MAGI2: variants seen among roughly 807,000 people sequenced by gnomAD.
MAGI2 encodes membrane associated guanylate kinase, WW and PDZ domain containing 2, also known as membrane-associated guanylate kinase, WW and PDZ domain-containing protein 2.
MAGI2 carries 35 observed loss-of-function variants against 133.3 expected under a neutral mutation model. The observed-to-expected ratio is 0.26, with a 90% confidence interval of 0.20 to 0.35. MAGI2 has a LOEUF of 0.35. Among genes scored for constraint, MAGI2 ranks in the 10% least tolerant of loss-of-function variants. The pLI, the probability that MAGI2 is intolerant of heterozygous loss-of-function variation, is 1.00. For synonymous variants in MAGI2, 729 were observed against 710.6 expected, an observed-to-expected ratio of 1.03 and a Z score of -0.41; for missense variants, 1,636 against 1,863.4, an observed-to-expected ratio of 0.88 and a Z score of 2.25.
chr7:79,166,775 A>T (rs1824961465), intron 1 of MAGI2, among the ~76,000 whole-genome samples: 1 of 151,572 alleles, frequency 6.6e-6, no homozygotes, highest in African/African-American at 2.4e-5. Context: ...AGTAAGACTA[A>T]TTTTTTTTTC....
At chr7:79,333,573 A>G (rs1840234741) in intron 1 of MAGI2, among the ~76,000 whole-genome samples, 1 of 152,194 alleles carries the variant, frequency 6.6e-6, no homozygotes, top group African/African-American at 2.4e-5. Flanking sequence ...AGCAGTTGCT[A>G]AATAAGGGTT....
At chr7:78,926,744 T>C (rs1799722234) in intron 2 of MAGI2, among the ~76,000 whole-genome samples, 1 of 152,078 alleles carries the variant, frequency 6.6e-6, no homozygotes, top group African/African-American at 2.4e-5. Context: ...TCTGCAGTAC[T>C]TACATTTTAA....
rs545758461 is a variant in MAGI2, at chr7:79,220,824, G to A, written c.302-213618C>T. Among the ~76,000 whole-genome samples, 98 of 152,100 alleles carry A rather than the reference G, an allele frequency of 6.4e-4. 1 individual carries two copies. The highest frequency in any genetic ancestry group is 2.1e-3 in the African/African-American group (88 of 41,420). ...CAGTGAGGAAATCATAGGCATTCAC[G>A]CCCACCGTGGTACAAATTATTTCAT... On this transcript the variant is annotated intron_variant, in intron 1 of 21. Coordinates refer to ENST00000354212, the MANE Select transcript of MAGI2 (RefSeq NM_012301.4).
intron 7 of MAGI2, among the ~76,000 whole-genome samples, chr7:78,351,359 T>C (rs1299328508): frequency 6.6e-6 from 1 of 151,906 alleles, no homozygotes; most frequent in Non-Finnish European, 1.5e-5. Context: ...GTATAAAAAT[T>C]AGCCAGGCAT....
intron 6 of MAGI2, among the ~76,000 whole-genome samples, chr7:78,441,348 G>C (rs1787612098): frequency 6.6e-6 from 1 of 152,154 alleles, no homozygotes; most frequent in East Asian, 1.9e-4. Context: ...AAGATTTATA[G>C]AAATTTGTGG....
chr7:78,855,340 T>G (rs1219023364), intron 2 of MAGI2, among the ~76,000 whole-genome samples: 4 of 152,136 alleles, frequency 2.6e-5, no homozygotes, highest in African/African-American at 9.7e-5. Context: ...GTGCCATGTT[T>G]GTGTGCTGCA....
intron 7 of MAGI2, among the ~76,000 whole-genome samples, chr7:78,365,676 T>C (rs1793302645): frequency 6.6e-6 from 1 of 152,228 alleles, no homozygotes; most frequent in South Asian, 2.1e-4. Context: ...TTATGACCTT[T>C]CTGGTTCTTG....
At chr7:78,547,307 T>C (rs55920785) in intron 3 of MAGI2, among the ~76,000 whole-genome samples, 71,233 of 152,140 alleles carry the variant, frequency 0.47, 17,332 homozygotes, top group South Asian at 0.65. Flanking sequence ...ACAGCATTCA[T>C]AGTGGTGGTG....
At chr7:78,416,472 C>T (rs1798313166) in intron 6 of MAGI2, among the ~76,000 whole-genome samples, 1 of 152,024 alleles carries the variant, frequency 6.6e-6, no homozygotes, top group African/African-American at 2.4e-5. Flanking sequence ...GATTGTATTC[C>T]AGGGCCTATT....
chr7:78,054,589 CTT>C (rs3972364), intron 21 of MAGI2, among the ~76,000 whole-genome samples: 7 of 141,756 alleles, frequency 4.9e-5, no homozygotes, highest in Non-Finnish European at 6.1e-5. Context: ...CATAGGCATA[CTT>C]TTTTTTTTTT....
intron 2 of MAGI2, among the ~76,000 whole-genome samples, chr7:78,949,207 T>A (rs552744445): frequency 6.6e-6 from 1 of 152,308 alleles, no homozygotes; most frequent in African/African-American, 2.4e-5. Flanking sequence ...TTTTAAACAA[T>A]TTGCTTTACA....
chr7:78,371,757 T>C (rs994208226), intron 6 of MAGI2, among the ~76,000 whole-genome samples: 1 of 152,094 alleles, frequency 6.6e-6, no homozygotes, highest in Non-Finnish European at 1.5e-5. Context: ...TCATAAGATA[T>C]CAACATGTTT....
In MAGI2 at chr7:78,768,504, C is replaced by A. The variant is rs562439807; in HGVS notation, c.419-141265G>T. ...CTTTATCAAAATTATTCTAAACAGA[C>A]ACCATGAAAATCTGTGCTCTAATTC... is the stretch of plus-strand genomic sequence containing the variant. On this transcript the variant is annotated intron_variant, in intron 2 of 21. Coordinates refer to ENST00000354212, the MANE Select transcript of MAGI2 (RefSeq NM_012301.4). Among the ~76,000 whole-genome samples, 4 of 152,328 alleles carry A rather than the reference C, an allele frequency of 2.6e-5. No homozygotes were observed. The South Asian group carries it at 6.2e-4, about 24-fold the overall frequency.
chr7:78,261,389 C>T (rs1793503875), intron 9 of MAGI2, among the ~76,000 whole-genome samples: 1 of 152,154 alleles, frequency 6.6e-6, no homozygotes, highest in South Asian at 2.1e-4. Flanking sequence ...AAGGTATCTT[C>T]CATCACTCTT....
chr7:78,450,110 C>G (rs1354343257), intron 6 of MAGI2, among the ~76,000 whole-genome samples: 1 of 151,848 alleles, frequency 6.6e-6, no homozygotes, highest in Non-Finnish European at 1.5e-5. Flanking sequence ...ATTCCCATGA[C>G]TTTCTTCATA....
intron 1 of MAGI2, among the ~76,000 whole-genome samples, chr7:79,239,506 T>A (rs1832216479): frequency 6.6e-6 from 1 of 152,222 alleles, no homozygotes; most frequent in Non-Finnish European, 1.5e-5. Context: ...ACCCTGAGTT[T>A]GTTTGGTTAA....
intron 2 of MAGI2, among the ~76,000 whole-genome samples, chr7:78,796,870 G>A (rs1252635022): frequency 6.6e-6 from 1 of 152,098 alleles, no homozygotes; most frequent in Non-Finnish European, 1.5e-5. Flanking sequence ...AGTAAAATTA[G>A]CCAGGCACAG....
At chr7:78,924,364 G>A (rs571335903) in intron 2 of MAGI2, among the ~76,000 whole-genome samples, 5 of 152,096 alleles carry the variant, frequency 3.3e-5, no homozygotes, top group South Asian at 2.1e-4. Context: ...TTTGAGATAC[G>A]TCCCATCAAT....
At position 78,635,294 on chromosome 7, in the gene MAGI2, T is replaced by G. The variant is rs1466717541; in HGVS notation, c.419-8055A>C. On this transcript the variant is annotated intron_variant, in intron 2 of 21. Coordinates refer to ENST00000354212, the MANE Select transcript of MAGI2 (RefSeq NM_012301.4). The stretch of plus-strand genomic sequence containing the variant: ...TGAAGGAACATTGCTCTTTTTTGTC[T>G]TAGGAAGAAAAGGGCATTTGTGGTA... Among the ~76,000 whole-genome samples the G allele has an allele frequency of 3.9e-5, 6 of 152,354 alleles. No individual in the cohort carries two copies. The South Asian group carries it at 1.0e-3, about 26-fold the overall frequency.
Sources: allele counts gnomAD v4.1 joint callset (sites outside exome capture counted in the v4.1 genomes callset), GRCh38; gene constraint gnomAD v4.1.1; transcripts MANE v1.5; gene names NCBI Gene and HGNC (gene_info 2026-07-23, HGNC 2026-07-21).